Variants in NOL4 observed in about 807,000 individuals in gnomAD.
The protein encoded by NOL4 is nucleolar protein 4, also known as cancer/testis antigen 125.
A neutral mutation model predicts 75.9 loss-of-function variants in NOL4; 17 were observed. The observed-to-expected ratio is 0.22, with a 90% CI of 0.15 to 0.34. The LOEUF (loss-of-function observed/expected upper bound fraction) is 0.34. Among genes scored for constraint, NOL4 ranks in the 10% least tolerant of loss-of-function variants. The pLI is 1.00. For synonymous variants in NOL4, 292 were observed against 289.9 expected (o/e 1.01, Z -0.07); for missense variants, 614 against 793.5 (o/e 0.77, Z 2.72).
At chr18:34,087,473 A>G (rs2078294269) in intron 5 of NOL4, among the ~76,000 whole-genome samples, 1 of 152,042 alleles carries the variant, frequency 6.6e-6, no homozygotes, top group African/African-American at 2.4e-5. Context: ...TTTCAAAAAC[A>G]CTTTGTTTCC....
chr18:34,147,585 T>A (rs555198198), intron 1 of NOL4, among the ~76,000 whole-genome samples: 25 of 152,124 alleles, frequency 1.6e-4, no homozygotes, highest in African/African-American at 6.0e-4. Flanking sequence ...AGTGATGGAT[T>A]AGCTTTTTGA....
chr18:34,041,860 T>G (rs918098691), intron 5 of NOL4, among the ~76,000 whole-genome samples: 1 of 151,948 alleles, frequency 6.6e-6, no homozygotes, highest in Non-Finnish European at 1.5e-5. Flanking sequence ...TTGTTCTTAA[T>G]ATTTATTATA....
intron 6 of NOL4, among the ~76,000 whole-genome samples, chr18:34,011,697 A>C (rs767981175): frequency 1.6e-4 from 24 of 151,880 alleles, no homozygotes; most frequent in Non-Finnish European, 3.2e-4. Flanking sequence ...TAAATACAAA[A>C]ATAAACAAAA....
intron 5 of NOL4, among the ~76,000 whole-genome samples, chr18:34,061,098 G>T (rs1030146095): frequency 2.6e-5 from 4 of 151,818 alleles, no homozygotes; most frequent in Non-Finnish European, 5.9e-5. Context: ...AAACCCCAAG[G>T]TTTATATAAA....
intron 9 of NOL4, among the ~76,000 whole-genome samples, chr18:33,886,567 C>T (rs1309016416): frequency 6.7e-6 from 1 of 149,880 alleles, no homozygotes; most frequent in African/African-American, 2.4e-5. Flanking sequence ...GAACTATTAA[C>T]TATTATTTGA....
At chr18:34,007,931 T>G (rs898383851) in intron 6 of NOL4, among the ~76,000 whole-genome samples, 1 of 152,042 alleles carries the variant, frequency 6.6e-6, no homozygotes, top group Non-Finnish European at 1.5e-5. Context: ...TCAACTAGAC[T>G]GCGCTATAGG....
intron 9 of NOL4, among the ~76,000 whole-genome samples, chr18:33,893,843 A>T (rs1225133570): frequency 6.6e-6 from 1 of 152,032 alleles, no homozygotes; most frequent in African/African-American, 2.4e-5. Context: ...GGTATTAGTG[A>T]TCCACTGTTT....
chr18:34,011,803 C>T (rs1189719239), intron 6 of NOL4, among the ~76,000 whole-genome samples: 1 of 151,718 alleles, frequency 6.6e-6, no homozygotes, highest in Non-Finnish European at 1.5e-5. Flanking sequence ...GTCAAAAATA[C>T]AATCTATAAC....
rs575763147 is a variant in NOL4 at position 33,860,262 on chromosome 18, G to A, written c.1724-7227C>T. On this transcript the variant is annotated intron_variant, in intron 10 of 10. Coordinates refer to ENST00000261592, the MANE Select transcript of NOL4 (RefSeq NM_003787.5). ...TTTGAGAGGAGATTTGGGTGAAGAC[G>A]CAGAGCCAAACCATATTCTGCCCCT... Among the ~76,000 whole-genome samples the A allele has an allele frequency of 2.2e-3, 338 of 152,120 alleles. 2 individuals carry two copies. Among genetic ancestry groups the A allele is most frequent in the Middle Eastern group, 0.017 (5 of 294 alleles).
At chr18:33,971,553 G>A (rs1007282072) in intron 6 of NOL4, among the ~76,000 whole-genome samples, 1 of 152,126 alleles carries the variant, frequency 6.6e-6, no homozygotes, top group Non-Finnish European at 1.5e-5. Context: ...TTACTCTTGT[G>A]AACTGCATTT....
chr18:33,905,073 A>T (rs965643239), intron 9 of NOL4, among the ~76,000 whole-genome samples: 1 of 152,204 alleles, frequency 6.6e-6, no homozygotes, highest in Non-Finnish European at 1.5e-5. Context: ...GTATGCTCAA[A>T]TTGAATCTCT....
chr18:34,078,300 G>C (rs1017402940), intron 5 of NOL4, among the ~76,000 whole-genome samples: 3 of 152,164 alleles, frequency 2.0e-5, no homozygotes, highest in African/African-American at 4.8e-5. Context: ...AATTGTGTCT[G>C]AAGTGAAGTT....
At chr18:34,019,728 G>A (rs2074929991) in intron 5 of NOL4, 127 bp from the exon 6 acceptor site, 1 of 783,458 alleles carries the variant, frequency 1.3e-6, no homozygotes, top group Non-Finnish European at 2.0e-6. Flanking sequence ...TTCATCCTCA[G>A]CAATAAGCTT....
At chr18:34,166,205 A>G (rs2032311896) in intron 1 of NOL4, among the ~76,000 whole-genome samples, 2 of 152,140 alleles carry the variant, frequency 1.3e-5, no homozygotes, top group South Asian at 4.1e-4. Flanking sequence ...TTATCTACTG[A>G]TGTTTCAGAA....
intron 5 of NOL4, among the ~76,000 whole-genome samples, chr18:34,070,951 T>A (rs1271055471): frequency 6.6e-6 from 1 of 152,148 alleles, no homozygotes; most frequent in Admixed American, 6.5e-5. Context: ...TATATAATTT[T>A]AAAATTCTTA....
intron 5 of NOL4, among the ~76,000 whole-genome samples, chr18:34,078,072 A>C (rs1294292137): frequency 3.3e-5 from 5 of 152,178 alleles, no homozygotes; most frequent in African/African-American, 4.8e-5. Flanking sequence ...AACCCATTGC[A>C]TATCTGTATG....
At position 33,867,719 on chromosome 18, in the gene NOL4, A is replaced by G. The variant is rs1318287050; in HGVS notation, c.1724-14684T>C. 2.6e-5 allele frequency among the ~76,000 whole-genome samples: 4 copies of G among 151,844 alleles called. No individual in the cohort carries two copies. The East Asian group carries it at 7.8e-4, about 30-fold the overall frequency. On this transcript the variant is annotated intron_variant, in intron 10 of 10. Transcript: ENST00000261592. Reference sequence around the variant, plus strand: ...ATAGAATTGGCTCATGCAATTATATAGATTGAAAAGTCCCAAGATCTGTAG... The same window carrying G: ...ATAGAATTGGCTCATGCAATTATATGGATTGAAAAGTCCCAAGATCTGTAG...
chr18:33,922,131 A>G (rs1291091585), intron 9 of NOL4, among the ~76,000 whole-genome samples: 1 of 152,218 alleles, frequency 6.6e-6, no homozygotes, highest in Admixed American at 6.5e-5. Flanking sequence ...GATCTCTGAG[A>G]GAAGACCCAT....
intron 9 of NOL4, among the ~76,000 whole-genome samples, chr18:33,929,014 G>A (rs915832281): frequency 1.3e-5 from 2 of 151,800 alleles, no homozygotes; most frequent in East Asian, 1.9e-4. Flanking sequence ...TGAAATGAGA[G>A]GTGAATGGGA....
Sources: allele counts gnomAD v4.1 joint callset (sites outside exome capture counted in the v4.1 genomes callset), GRCh38; gene constraint gnomAD v4.1.1; transcripts MANE v1.5; gene names NCBI Gene and HGNC (gene_info 2026-07-23, HGNC 2026-07-21).